ANKRD52: variants seen among roughly 807,000 people sequenced by gnomAD.
ANKRD52 encodes serine/threonine-protein phosphatase 6 regulatory ankyrin repeat subunit C.
ANKRD52 carries 7 observed loss-of-function variants against 116.0 expected under a neutral mutation model. The observed-to-expected ratio is 0.06, with a 90% CI of 0.03 to 0.11. The LOEUF is 0.11. Ranked by LOEUF, ANKRD52 falls within the 10% of genes least tolerant of loss-of-function variation. The probability of loss-of-function intolerance (pLI) is 1.00; values close to 1 mark genes in which losing one functional copy is unlikely to be tolerated. For missense variants in ANKRD52, 839 were observed against 1,408.6 expected (o/e 0.60, Z 6.47); for synonymous variants, 528 against 578.1 (o/e 0.91, Z 1.24).
intron 1 of ANKRD52, 145 bp downstream of exon 1, chr12:56,258,098 C>T (rs968679157): frequency 1.6e-5 from 23 of 1,432,838 alleles, no homozygotes; most frequent in African/African-American, 2.8e-5. Context: ...GACACCGGCT[C>T]GGTTGAGGGG....
At position 56,247,603 on chromosome 12, in the gene ANKRD52, G is replaced by A; in HGVS notation, c.2074C>T (p.Leu692=). ...TGGCCATTCATGATGGCCAGCATCA[G>A]TGGGGTCCTACAGAAGGGCAGGAGG... is the stretch of plus-strand genomic sequence containing the variant. The part of the protein sequence containing the change: ...DVMDAYGQTP[L]MLAIMNGHVD... The change falls in exon 20 of 28, where the codon CTG becomes TTG. Residue 692 remains leucine (L), a synonymous_variant. Coordinates refer to ENST00000267116, the MANE Select transcript of ANKRD52 (RefSeq NM_173595.4). 1 of 1,592,070 alleles carries A rather than the reference G, an allele frequency of 6.3e-7. No homozygotes were observed. Among genetic ancestry groups the A allele is most frequent in the South Asian group, 1.1e-5 (1 of 87,708 alleles).
chr12:56,247,905 A>G (rs1789901182), intron 18 of ANKRD52, 118 bp downstream of exon 18: 10 of 1,356,064 alleles, frequency 7.4e-6, no homozygotes, highest in Non-Finnish European at 1.0e-5. Flanking sequence ...ATAGGAAGCT[A>G]TGAATCAGGG....
intron 1 of ANKRD52, 42 bp downstream of exon 1, chr12:56,258,201 G>T (rs200772980): frequency 1.3e-6 from 2 of 1,590,586 alleles, no homozygotes; most frequent in East Asian, 2.3e-5. Context: ...CGGCAGCGCC[G>T]AGCCCTGGAA....
Position 56,255,817 on chromosome 12 carries a change from A to G in ANKRD52, c.429T>C (p.Ala143=), listed in dbSNP as rs1274490. The G allele has an allele frequency of 0.91, 1,445,080 of 1,582,836 alleles. 667,745 individuals are homozygous for G. The highest frequency in any genetic ancestry group is 0.98 in the South Asian group (84,861 of 86,856). The change falls in exon 5 of 28, where the codon GCT becomes GCC. Residue 143 remains alanine (A), a synonymous_variant. Transcript: ENST00000267116. The surrounding 1 kb of genome is among the most constrained non-coding windows in gnomAD (Gnocchi z 4.3). ...GCCCACTATGCACTGCATGGTGCAG[A>G]GCACTGCGCCCGCTCCTGTCAGCCA... ...LNVADRSGRS[A]LHHAVHSGHL... is the part of the protein sequence containing the mutation.
intron 20 of ANKRD52, among the ~76,000 whole-genome samples, chr12:56,246,873 T>A (rs1871425694): frequency 1.3e-5 from 2 of 149,612 alleles, no homozygotes; most frequent in African/African-American, 4.9e-5. Context: ...TGAGCCGAGA[T>A]CACGCCACTG....
At chr12:56,258,051 C>G in intron 1 of ANKRD52, 140 bp from the exon 2 acceptor site, 3 of 1,312,876 alleles carry the variant, frequency 2.3e-6, no homozygotes, top group Non-Finnish European at 3.2e-6. Flanking sequence ...CTGGAGCGAG[C>G]TCCCGCGGTG....
rs1355321230 is a variant in ANKRD52, at chr12:56,238,086, C to T, written c.*5056G>A. On this transcript the variant is annotated 3_prime_UTR_variant, in exon 28 of 28. Coordinates refer to ENST00000267116, the MANE Select transcript of ANKRD52 (RefSeq NM_173595.4). ...TGGGGATGCAGGCATCTGGGCACAT[C>T]TGCCCCTTATTGCTGCCCACCAGCG... The T allele has an allele frequency of 8.6e-6, 2 of 233,568 alleles. No individual in the cohort carries two copies. Among genetic ancestry groups the T allele is most frequent in the Admixed American group, 5.4e-5 (1 of 18,650 alleles). 14.5% of individuals were successfully genotyped at this position (233,568 alleles called of 1,614,324 possible).
In ANKRD52 at chr12:56,255,629, A is replaced by G. The variant is rs758666908; in HGVS notation, c.462+155T>C. ...AAGTCCAAGTTAAGAATTTTAATCT[A>G]GTCTGACCATTCATTTAGTGCTTCA... On this transcript the variant is annotated intron_variant, in intron 5 of 27. Transcript: ENST00000267116. This position sits in a 1 kb window ranked among gnomAD's most constrained non-coding sequence, Gnocchi z 4.3. Among the ~76,000 whole-genome samples the G allele has an allele frequency of 5.9e-5, 9 of 152,258 alleles. No individual in the cohort carries two copies. The highest frequency in any genetic ancestry group is 1.2e-4 in the Non-Finnish European group (8 of 68,050).
chr12:56,240,539 G>C lies in ANKRD52; in HGVS notation c.*2603C>G, dbSNP rs1484338699. On this transcript the variant is annotated 3_prime_UTR_variant, in exon 28 of 28. Transcript: ENST00000267116. The surrounding 1 kb of genome is among the most constrained non-coding windows in gnomAD (Gnocchi z 4.2). The stretch of plus-strand genomic sequence containing the variant: ...TCCCCGCCCTCCCCCATGAAGACTG[G>C]GGGGCATTCTGCCTGTTTTACTTCT... 6.6e-6 allele frequency: 1 copy of C among 152,102 alleles called. No homozygotes were observed. The highest frequency in any genetic ancestry group is 1.9e-4 in the East Asian group (1 of 5,190). 9.4% of individuals were successfully genotyped at this position (152,102 alleles called of 1,614,324 possible). A position where few individuals can be genotyped will look rare whatever the true frequency, so the allele number is the denominator to read the frequency against.
chr12:56,246,161 C>T (rs1205746817), intron 20 of ANKRD52, among the ~76,000 whole-genome samples: 1 of 152,206 alleles, frequency 6.6e-6, no homozygotes, highest in East Asian at 1.9e-4. Flanking sequence ...TCCCAAGTAG[C>T]TGGGATTATA....
chr12:56,243,775 CCCCA>C lies in ANKRD52; in HGVS notation c.2980+6_2980+9del. ...CCCAAGAGAGGCATGGGGCCCCAGA[CCCCA>C]CCCACCTTCTTCATCCACAGCCAGC... On this transcript the variant is annotated splice_donor_region_variant and intron_variant, in intron 27 of 27. Transcript: ENST00000267116. This position sits in a 1 kb window ranked among gnomAD's most constrained non-coding sequence, Gnocchi z 4.6. 1 of 1,553,360 alleles carries C rather than the reference CCCCA, an allele frequency of 6.4e-7. No individual in the cohort carries two copies. Among genetic ancestry groups the C allele is most frequent in the Non-Finnish European group, 8.7e-7 (1 of 1,147,910 alleles).
Position 56,253,868 on chromosome 12 carries a change from C to G in ANKRD52, c.907-68G>C. The G allele has an allele frequency of 6.6e-7, 1 of 1,525,434 alleles. No homozygotes were observed. The highest frequency in any genetic ancestry group is 9.1e-7 in the Non-Finnish European group (1 of 1,103,048). The allele number at this position is 1,525,434 out of a possible 1,614,324, so 94.5% of individuals were successfully genotyped here. A position where few individuals can be genotyped will look rare whatever the true frequency, so the allele number is the denominator to read the frequency against. ...GTGCAAAGCACAGAGAATGCCCTAC[C>G]TCCCTTCCAAGGACATATCTCTAAG... On this transcript the variant is annotated intron_variant, in intron 8 of 27. Transcript: ENST00000267116. The surrounding 1 kb of genome is among the most constrained non-coding windows in gnomAD (Gnocchi z 5.5).
rs574466502 is a variant in ANKRD52 at position 56,248,377 on chromosome 12, T to G, written c.1776+118A>C. On this transcript the variant is annotated intron_variant, in intron 17 of 27. Coordinates refer to ENST00000267116, the MANE Select transcript of ANKRD52 (RefSeq NM_173595.4). The surrounding 1 kb of genome is among the most constrained non-coding windows in gnomAD (Gnocchi z 5.1). ...AAGGCTTCCTACCCTGCACTGTGCTTATCCCCTCTCCCACAAAAAGGCAGA... is the reference window on the plus strand; with the variant it reads ...AAGGCTTCCTACCCTGCACTGTGCTGATCCCCTCTCCCACAAAAAGGCAGA... 9.2e-5 allele frequency: 130 copies of G among 1,414,536 alleles called. No homozygotes were observed. The East Asian group carries it at 1.4e-3, about 15-fold the overall frequency. 87.6% of individuals were successfully genotyped at this position (1,414,536 alleles called of 1,614,324 possible). A position where few individuals can be genotyped will look rare whatever the true frequency, so the allele number is the denominator to read the frequency against.
chr12:56,257,243 C>G (rs141480595), intron 3 of ANKRD52, 40 bp downstream of exon 3: 5 of 1,562,362 alleles, frequency 3.2e-6, no homozygotes, highest in South Asian at 2.3e-5. Flanking sequence ...CCCCTCCCTT[C>G]GCTCCCTATG....
rs777774767 is a variant in ANKRD52 at position 56,253,427 on chromosome 12, G to A, written c.986-25C>T. ...CCTGTGAGGGGATGCACACACACAA[G>A]CTCAGGCAGACCTCAGGCTTAAGAC... is the stretch of plus-strand genomic sequence containing the variant. On this transcript the variant is annotated intron_variant, in intron 9 of 27. Transcript: ENST00000267116. The surrounding 1 kb of genome is among the most constrained non-coding windows in gnomAD (Gnocchi z 5.5). 5 of 1,579,502 alleles carry A rather than the reference G, an allele frequency of 3.2e-6. No homozygotes were observed. The highest frequency in any genetic ancestry group is 1.3e-5 in the African/African-American group (1 of 74,292).
At chr12:56,256,540 C>A (rs574552447) in intron 4 of ANKRD52, among the ~76,000 whole-genome samples, 1 of 152,326 alleles carries the variant, frequency 6.6e-6, no homozygotes, top group East Asian at 1.9e-4. Flanking sequence ...AAGTGATGAA[C>A]TGAGGAGGAG....
Position 56,248,622 on chromosome 12 carries a change from C to T in ANKRD52, c.1705-56G>A, listed in dbSNP as rs1184816672. The stretch of plus-strand genomic sequence containing the variant: ...CTCTGGAACTCCCAAGATAGTACCC[C>T]AGTCCCCGACTCGCAGTAATCCCCA... On this transcript the variant is annotated intron_variant, in intron 16 of 27. Coordinates refer to ENST00000267116, the MANE Select transcript of ANKRD52 (RefSeq NM_173595.4). The surrounding 1 kb of genome is among the most constrained non-coding windows in gnomAD (Gnocchi z 5.1). 2.0e-6 allele frequency: 3 copies of T among 1,519,150 alleles called. No homozygotes were observed. In the African/African-American group the frequency reaches 4.1e-5, roughly 21 times the overall value. 94.1% of individuals were successfully genotyped at this position (1,519,150 alleles called of 1,614,324 possible).
chr12:56,254,002 T>TAC lies in ANKRD52; in HGVS notation c.906+63_906+64dup. The stretch of plus-strand genomic sequence containing the variant: ...TAATTCCCCAAGAGAGCTATCCAGA[T>TAC]ACAGTCAGGACCCCTAGATCCAAGT... On this transcript the variant is annotated intron_variant, in intron 8 of 27. Transcript: ENST00000267116. This position sits in a 1 kb window ranked among gnomAD's most constrained non-coding sequence, Gnocchi z 4.6. The TAC allele has an allele frequency of 6.6e-7, 1 of 1,506,592 alleles. No homozygotes were observed. Among genetic ancestry groups the TAC allele is most frequent in the Non-Finnish European group, 9.2e-7 (1 of 1,090,858 alleles). 93.3% of individuals were successfully genotyped at this position (1,506,592 alleles called of 1,614,324 possible). A position where few individuals can be genotyped will look rare whatever the true frequency, so the allele number is the denominator to read the frequency against.
At position 56,252,233 on chromosome 12, in the gene ANKRD52, C is replaced by T. The variant is rs778684760; in HGVS notation, c.1453G>A (p.Ala485Thr). Reference sequence around the variant, plus strand: ...AGGGGAGAGCAGCCTTTACAGTCGGCCTCGTTGACACCTGCCCCAGCAGTC... The same window carrying T: ...AGGGGAGAGCAGCCTTTACAGTCGGTCTCGTTGACACCTGCCCCAGCAGTC... The part of the protein sequence containing the change: ...LVTAGAGVNE[A>T]DCKGCSPLHY... The change falls in exon 14 of 28, where the codon GCC becomes ACC. Residue 485 changes from alanine (A) to threonine (T), a missense_variant. Ala to Thr is a moderately conservative substitution (Grantham distance 58). Coordinates refer to ENST00000267116, the MANE Select transcript of ANKRD52 (RefSeq NM_173595.4). This position sits in a 1 kb window ranked among gnomAD's most constrained non-coding sequence, Gnocchi z 4.7. The T allele has an allele frequency of 1.2e-6, 2 of 1,613,964 alleles. No individual in the cohort carries two copies. Among genetic ancestry groups the T allele is most frequent in the Non-Finnish European group, 1.7e-6 (2 of 1,179,874 alleles).
Sources: allele counts gnomAD v4.1 joint callset (sites outside exome capture counted in the v4.1 genomes callset), GRCh38; gene constraint gnomAD v4.1.1; non-coding constraint Gnocchi (gnomAD v3.1); transcripts MANE v1.5; gene names NCBI Gene and HGNC (gene_info 2026-07-23, HGNC 2026-07-21).